The following SEC24D variants were observed in gnomAD, a reference collection of about 807,000 sequenced individuals.
SEC24D encodes SEC24 homolog D, COPII component, also known as protein transport protein Sec24D.
In SEC24D, 69 loss-of-function variants were observed where a neutral mutation model predicts 116.9. The ratio of observed to expected loss-of-function variants is 0.59; its 90% CI spans 0.49 to 0.72. The LOEUF (loss-of-function observed/expected upper bound fraction) is 0.72, where lower values mean the gene tolerates loss of function less well. Ranked by LOEUF, SEC24D falls within the 30% of genes least tolerant of loss-of-function variation. SEC24D has a pLI of 0.00. For missense variants in SEC24D, 1,131 were observed against 1,264.1 expected, an observed-to-expected ratio of 0.89 and a Z score of 1.60; for synonymous variants, 405 against 442.8, an observed-to-expected ratio of 0.91 and a Z score of 1.07.
intron 7 of SEC24D, among the ~76,000 whole-genome samples, chr4:118,802,924 A>G (rs1358094536): frequency 6.6e-6 from 1 of 152,206 alleles, no homozygotes; most frequent in Non-Finnish European, 1.5e-5. Flanking sequence ...AAAGGAATGA[A>G]ATTCTGATAT....
intron 10 of SEC24D, among the ~76,000 whole-genome samples, chr4:118,763,647 C>A (rs1357663281): frequency 1.3e-5 from 2 of 152,156 alleles, no homozygotes; most frequent in African/African-American, 2.4e-5. Flanking sequence ...TAAAGCCTTG[C>A]AAGGTATCCA....
intron 8 of SEC24D, among the ~76,000 whole-genome samples, chr4:118,781,842 A>C (rs1015121454): frequency 6.6e-6 from 1 of 152,082 alleles, no homozygotes; most frequent in African/African-American, 2.4e-5. Context: ...TTGATCTTCG[A>C]TCACTGATAC....
At chr4:118,768,876 A>G (rs772491618) in intron 8 of SEC24D, among the ~76,000 whole-genome samples, 11 of 152,234 alleles carry the variant, frequency 7.2e-5, no homozygotes, top group Non-Finnish European at 1.3e-4. Flanking sequence ...CTGCATATGC[A>G]TATTTGCCAA....
chr4:118,804,875 T>C (rs571132532), intron 7 of SEC24D, among the ~76,000 whole-genome samples: 6 of 118,524 alleles, frequency 5.1e-5, no homozygotes, highest in African/African-American at 1.8e-4. Context: ...TACTTATGTG[T>C]ATGCATGCAT....
At position 118,800,780 on chromosome 4, in the gene SEC24D, A is replaced by G. The variant is rs551078899; in HGVS notation, c.914-2970T>C. ...ACTTTACTGAGGAGGAAACTGAGACACCGGGAGGTTATGCGACTTTCCAAA... is the reference window on the plus strand; with the variant it reads ...ACTTTACTGAGGAGGAAACTGAGACGCCGGGAGGTTATGCGACTTTCCAAA... On this transcript the variant is annotated intron_variant, in intron 7 of 22. Transcript: ENST00000280551. 3.3e-5 allele frequency among the ~76,000 whole-genome samples: 5 copies of G among 152,356 alleles called. No individual in the cohort carries two copies. In the South Asian group the frequency reaches 1.0e-3, roughly 32 times the overall value.
chr4:118,790,749 A>G (rs988338730), intron 8 of SEC24D, among the ~76,000 whole-genome samples: 9 of 151,774 alleles, frequency 5.9e-5, no homozygotes, highest in African/African-American at 1.5e-4. Context: ...TGCTAACACA[A>G]TAGCATGCTT....
rs1289917054 is a variant in SEC24D, at chr4:118,824,703, T to A, written c.165A>T (p.Gly55=). The A allele has an allele frequency of 2.5e-6, 4 of 1,607,758 alleles. No individual in the cohort carries two copies. The African/African-American group carries it at 4.0e-5, about 16-fold the overall frequency. The part of the protein sequence containing the change: ...AGPLGATATR[G]MLPPGPPPPG... Reference sequence around the variant, plus strand: ...GAGGTGGGGGACCCGGAGGCAACATTCCCCTAGTGGCGGTGGCCCCCAAAG... The same window carrying A: ...GAGGTGGGGGACCCGGAGGCAACATACCCCTAGTGGCGGTGGCCCCCAAAG... The change falls in exon 3 of 23, where the codon GGA becomes GGT. Residue 55 remains glycine, a synonymous_variant. Coordinates refer to ENST00000280551, the MANE Select transcript of SEC24D (RefSeq NM_014822.4).
chr4:118,792,818 C>G (rs941933361), intron 8 of SEC24D, among the ~76,000 whole-genome samples: 1 of 152,192 alleles, frequency 6.6e-6, no homozygotes, highest in Non-Finnish European at 1.5e-5. Context: ...TATCTGCTGA[C>G]CTTCCCTCCA....
At chr4:118,785,126 A>G (rs753716782) in intron 8 of SEC24D, among the ~76,000 whole-genome samples, 17 of 152,134 alleles carry the variant, frequency 1.1e-4, no homozygotes, top group Non-Finnish European at 2.4e-4. Context: ...TAAATTGTCA[A>G]TTACTTTCTT....
intron 13 of SEC24D, among the ~76,000 whole-genome samples, chr4:118,746,707 T>G (rs1161795636): frequency 1.3e-5 from 2 of 152,134 alleles, no homozygotes; most frequent in Admixed American, 6.6e-5. Context: ...GCTCTCTGCC[T>G]GCAGCTGTTA....
chr4:118,728,181 T>C (rs1670348768), intron 22 of SEC24D, among the ~76,000 whole-genome samples: 1 of 152,198 alleles, frequency 6.6e-6, no homozygotes, highest in African/African-American at 2.4e-5. Context: ...TTTTCAGAGA[T>C]TATAAATTAA....
chr4:118,832,031 C>T (rs761062419), intron 2 of SEC24D, among the ~76,000 whole-genome samples: 15 of 152,162 alleles, frequency 9.9e-5, no homozygotes, highest in African/African-American at 2.6e-4. Flanking sequence ...TGTGAAACCC[C>T]GTCTCTACTA....
chr4:118,805,043 A>G (rs1320611594), intron 7 of SEC24D, among the ~76,000 whole-genome samples: 1 of 151,946 alleles, frequency 6.6e-6, no homozygotes, highest in Non-Finnish European at 1.5e-5. Flanking sequence ...GGTGAAATGG[A>G]CAAAGCTCAC....
At position 118,739,284 on chromosome 4, in the gene SEC24D, C is replaced by T; in HGVS notation, c.2242G>A (p.Ala748Thr). 6.2e-7 allele frequency: 1 copy of T among 1,612,386 alleles called. No individual in the cohort carries two copies. Residue 748 changes from alanine to threonine, a missense_variant, in exon 18 of 23, where the codon GCT (alanine) becomes ACT (threonine). Physicochemically the swap from Ala to Thr is moderately conservative, Grantham distance 58 (BLOSUM62 0). Transcript: ENST00000280551. ...CCACTGATTGTCGTGTAAAGCACAG[C>T]ACACTGTAGAAGCAACATTGAGGTC... ...SEDSGALIQCAVLYTTISGQR... is the reference protein window; with the variant it reads ...SEDSGALIQCTVLYTTISGQR...
chr4:118,785,215 C>T (rs1728617796), intron 8 of SEC24D, among the ~76,000 whole-genome samples: 1 of 152,070 alleles, frequency 6.6e-6, no homozygotes, highest in Non-Finnish European at 1.5e-5. Flanking sequence ...CACAGGCAGA[C>T]CTCTATGGTA....
At chr4:118,830,900 G>A (rs1316256986) in intron 2 of SEC24D, among the ~76,000 whole-genome samples, 1 of 152,128 alleles carries the variant, frequency 6.6e-6, no homozygotes, top group Non-Finnish European at 1.5e-5. Flanking sequence ...AGAGATGGAT[G>A]GATTGAACAA....
chr4:118,820,468 C>A (rs193151104), intron 3 of SEC24D, among the ~76,000 whole-genome samples: 14 of 152,094 alleles, frequency 9.2e-5, no homozygotes, highest in Non-Finnish European at 1.9e-4. Flanking sequence ...CATGAGCCAC[C>A]GCACCCAGCC....
At position 118,723,471 on chromosome 4, in the gene SEC24D, A is replaced by AT. The variant is rs1560591410; in HGVS notation, c.*43dup. On this transcript the variant is annotated 3_prime_UTR_variant, in exon 23 of 23. Transcript: ENST00000280551. ...TAGAAAATTAGGCACCAAGAAGGAG[A>AT]TTATCTCCTTGGAAATGCAACATCA... 6.3e-7 allele frequency: 1 copy of AT among 1,580,804 alleles called. No individual in the cohort carries two copies. Among genetic ancestry groups the AT allele is most frequent in the Non-Finnish European group, 8.6e-7 (1 of 1,163,212 alleles).
At chr4:118,762,660 T>C (rs562478115) in intron 10 of SEC24D, among the ~76,000 whole-genome samples, 8 of 152,332 alleles carry the variant, frequency 5.3e-5, no homozygotes, top group African/African-American at 1.9e-4. Context: ...CAACTCATTA[T>C]TATACTTTAT....
Sources: allele counts gnomAD v4.1 joint callset (sites outside exome capture counted in the v4.1 genomes callset), GRCh38; gene constraint gnomAD v4.1.1; transcripts MANE v1.5; gene names NCBI Gene and HGNC (gene_info 2026-07-23, HGNC 2026-07-21).